The following GRAMD1B variants were observed in gnomAD, a reference collection of about 807,000 sequenced individuals.
GRAMD1B encodes the protein protein Aster-B.
Under a neutral mutation model 99.7 loss-of-function variants are expected in GRAMD1B, and 37 were observed. That is an observed-to-expected ratio of 0.37 (90% CI 0.29 to 0.49). The LOEUF is 0.49. GRAMD1B is among the 20% of genes least tolerant of loss of function. The pLI is 0.98. For missense variants in GRAMD1B, 888 were observed against 1,009.2 expected, an observed-to-expected ratio of 0.88 and a Z score of 1.63; for synonymous variants, 427 against 387.6, an observed-to-expected ratio of 1.10 and a Z score of -1.19.
intron 1 of GRAMD1B, among the ~76,000 whole-genome samples, chr11:123,380,986 C>T (rs1946853332): frequency 6.6e-6 from 1 of 151,428 alleles, no homozygotes; most frequent in Non-Finnish European, 1.5e-5. Context: ...TCTTATTTTT[C>T]ATGTTTTTTT....
chr11:123,417,536 A>G (rs1948272086), intron 1 of GRAMD1B, among the ~76,000 whole-genome samples: 1 of 152,192 alleles, frequency 6.6e-6, no homozygotes, highest in Non-Finnish European at 1.5e-5. Context: ...GACCAAGCAA[A>G]TCACGTGAGA....
chr11:123,497,391 C>T (rs1939406684), intron 2 of GRAMD1B, among the ~76,000 whole-genome samples: 1 of 152,178 alleles, frequency 6.6e-6, no homozygotes, highest in African/African-American at 2.4e-5. Context: ...TATTGAGTCT[C>T]ACTCAAAGCC....
chr11:123,525,969 A>G (rs1426099771), intron 2 of GRAMD1B: 1 of 608,394 alleles, frequency 1.6e-6, no homozygotes. Context: ...AAGAAGGGGC[A>G]GTGGCAGCAG....
intron 2 of GRAMD1B, among the ~76,000 whole-genome samples, chr11:123,569,147 TG>T (rs1565387069): frequency 1.3e-5 from 2 of 152,008 alleles, no homozygotes; most frequent in African/African-American, 4.8e-5. Flanking sequence ...TTCATAGCAG[TG>T]AGAGGGTTGG....
chr11:123,523,016 G>C (rs1270207992), intron 2 of GRAMD1B, among the ~76,000 whole-genome samples: 1 of 152,170 alleles, frequency 6.6e-6, no homozygotes, highest in African/African-American at 2.4e-5. Context: ...CTTGCTAGCT[G>C]TTTGACATTA....
chr11:123,527,082 C>T (rs559060737), intron 2 of GRAMD1B, among the ~76,000 whole-genome samples: 81 of 152,260 alleles, frequency 5.3e-4, no homozygotes, highest in Admixed American at 2.4e-3. Flanking sequence ...GGAGCTTTCT[C>T]CCTGAAGAGG....
chr11:123,392,704 A>G (rs929719927), intron 1 of GRAMD1B, among the ~76,000 whole-genome samples: 2 of 152,158 alleles, frequency 1.3e-5, no homozygotes, highest in African/African-American at 4.8e-5. Flanking sequence ...TGTTGAATGA[A>G]TTTATGAATC....
intron 1 of GRAMD1B, among the ~76,000 whole-genome samples, chr11:123,434,247 A>C (rs529146016): frequency 4.0e-5 from 6 of 150,124 alleles, no homozygotes; most frequent in Admixed American, 3.3e-4. Flanking sequence ...AAAAAAAAAA[A>C]AAAAAAACCA....
chr11:123,611,917 G>C (rs906458840), intron 14 of GRAMD1B, among the ~76,000 whole-genome samples: 13 of 152,152 alleles, frequency 8.5e-5, no homozygotes, highest in Non-Finnish European at 1.2e-4. Flanking sequence ...TGAACCTAAG[G>C]GGGAGGCAAA....
intron 1 of GRAMD1B, among the ~76,000 whole-genome samples, chr11:123,404,241 T>C (rs1206583954): frequency 6.6e-6 from 1 of 152,230 alleles, no homozygotes; most frequent in Non-Finnish European, 1.5e-5. Flanking sequence ...TGAGCAGTGA[T>C]TACTGTTCCA....
In GRAMD1B at chr11:123,479,068, A is replaced by G. The variant is rs192018694; in HGVS notation, c.375-1748A>G. The stretch of plus-strand genomic sequence containing the variant: ...CAAATCCATCCGAGCTGGCAAAGTG[A>G]AAATGATGAGCAGCCACTGCATAGT... On this transcript the variant is annotated intron_variant, in intron 1 of 19. Transcript: ENST00000635736. Among the ~76,000 whole-genome samples, 14 of 152,360 alleles carry G rather than the reference A, an allele frequency of 9.2e-5. No individual in the cohort carries two copies. The East Asian group carries it at 2.1e-3, about 23-fold the overall frequency.
rs1419744039 is a variant in GRAMD1B at position 123,623,628 on chromosome 11, CTG to C, written c.*1036_*1037del. Reference sequence around the variant, plus strand: ...GGGTGCAGGGTCTACCCACAGAACACTGTGAGTGGTGAGCACCAAGATGGGTT... The same window carrying C: ...GGGTGCAGGGTCTACCCACAGAACACTGAGTGGTGAGCACCAAGATGGGTT... On this transcript the variant is annotated 3_prime_UTR_variant, in exon 20 of 20. Coordinates refer to ENST00000635736, the MANE Select transcript of GRAMD1B (RefSeq NM_001387025.1). The C allele has an allele frequency of 6.6e-6, 1 of 152,258 alleles. No homozygotes were observed. The highest frequency in any genetic ancestry group is 1.5e-5 in the Non-Finnish European group (1 of 68,098). The allele number at this position is 152,258 out of a possible 1,614,324, so 9.4% of individuals were successfully genotyped here.
rs1184195342 is a variant in GRAMD1B at position 123,548,349 on chromosome 11, C to CACAT, written c.453-29017_453-29016insCATA. Reference sequence around the variant, plus strand: ...ATACACACACACACACACACACACACATATATATATATATGTACACACACA... The same window carrying CACAT: ...ATACACACACACACACACACACACACACATATATATATATATATGTACACACACA... On this transcript the variant is annotated intron_variant, in intron 2 of 19. Coordinates refer to ENST00000635736, the MANE Select transcript of GRAMD1B (RefSeq NM_001387025.1). 6.0e-3 allele frequency among the ~76,000 whole-genome samples: 642 copies of CACAT among 107,380 alleles called. 5 individuals carry two copies. The highest frequency in any genetic ancestry group is 0.024 in the African/African-American group (523 of 21,584). The allele number at this position is 107,380 out of a possible 152,430, so 70.4% of individuals were successfully genotyped here. A position where few individuals can be genotyped will look rare whatever the true frequency, so the allele number is the denominator to read the frequency against.
intron 1 of GRAMD1B, among the ~76,000 whole-genome samples, chr11:123,397,097 C>T (rs968379860): frequency 6.6e-6 from 1 of 152,040 alleles, no homozygotes; most frequent in African/African-American, 2.4e-5. Context: ...CTGTGCTTAT[C>T]TTCGTTCAAT....
intron 1 of GRAMD1B, among the ~76,000 whole-genome samples, chr11:123,401,002 G>A (rs917675408): frequency 6.6e-6 from 1 of 152,020 alleles, no homozygotes; most frequent in Non-Finnish European, 1.5e-5. Flanking sequence ...TGAAAACAGA[G>A]CATGCTCTCT....
At chr11:123,584,233 C>G in intron 3 of GRAMD1B, 79 bp from the exon 4 acceptor site, 2 of 771,542 alleles carry the variant, frequency 2.6e-6, no homozygotes, top group Non-Finnish European at 4.5e-6. Flanking sequence ...CCTCCGCTGT[C>G]TGTGTGCCCT....
At chr11:123,552,736 C>T (rs1945754912) in intron 2 of GRAMD1B, among the ~76,000 whole-genome samples, 1 of 152,142 alleles carries the variant, frequency 6.6e-6, no homozygotes, top group African/African-American at 2.4e-5. Flanking sequence ...TGCAGGTGTG[C>T]TCATTATCTC....
intron 2 of GRAMD1B, among the ~76,000 whole-genome samples, chr11:123,529,497 AG>A (rs1475675379): frequency 6.6e-6 from 1 of 152,192 alleles, no homozygotes; most frequent in East Asian, 1.9e-4. Flanking sequence ...TAAGAGCTTT[AG>A]GCTGTCTCCA....
intron 1 of GRAMD1B, among the ~76,000 whole-genome samples, chr11:123,440,876 A>T (rs1949374102): frequency 1.3e-5 from 2 of 152,082 alleles, no homozygotes; most frequent in Admixed American, 1.3e-4. Context: ...GTGGGAGGTA[A>T]TTGAATCATG....
Sources: allele counts gnomAD v4.1 joint callset (sites outside exome capture counted in the v4.1 genomes callset), GRCh38; gene constraint gnomAD v4.1.1; transcripts MANE v1.5; gene names NCBI Gene and HGNC (gene_info 2026-07-23, HGNC 2026-07-21).